MTHFD1L: variants seen among roughly 807,000 people sequenced by gnomAD.
MTHFD1L encodes the protein methylenetetrahydrofolate dehydrogenase (NADP+ dependent) 1 like.
In MTHFD1L, 81 loss-of-function variants were observed where a neutral mutation model predicts 119.5. The ratio of observed to expected loss-of-function variants is 0.68; its 90% CI spans 0.57 to 0.82. The LOEUF (loss-of-function observed/expected upper bound fraction) is 0.82. MTHFD1L is among the 40% of genes least tolerant of loss of function. The pLI is 0.00. For missense variants in MTHFD1L, 1,125 were observed against 1,253.4 expected, an observed-to-expected ratio of 0.90 and a Z score of 1.55; for synonymous variants, 430 against 475.2, an observed-to-expected ratio of 0.90 and a Z score of 1.24.
In MTHFD1L at chr6:151,007,444, T is replaced by C. The variant is rs868769696; in HGVS notation, c.2126-2375T>C. Among the ~76,000 whole-genome samples, 17 of 152,318 alleles carry C rather than the reference T, an allele frequency of 1.1e-4. No individual in the cohort carries two copies. In the Middle Eastern group the frequency reaches 0.01, roughly 91 times the overall value. The stretch of plus-strand genomic sequence containing the variant: ...TTAGCAAGTGGGAGAATTATCCTTT[T>C]GGTTACAAAGATGTGAACTATTTTT... On this transcript the variant is annotated intron_variant, in intron 20 of 27. Transcript: ENST00000367321.
intron 7 of MTHFD1L, among the ~76,000 whole-genome samples, chr6:150,901,061 T>G (rs962707725): frequency 1.3e-5 from 2 of 151,956 alleles, no homozygotes; most frequent in African/African-American, 4.8e-5. Flanking sequence ...TTTTGACATC[T>G]GAGAAAAGTG....
intron 26 of MTHFD1L, among the ~76,000 whole-genome samples, chr6:151,071,614 G>T (rs1363704393): frequency 1.3e-5 from 2 of 151,962 alleles, no homozygotes; most frequent in African/African-American, 4.8e-5. Context: ...GAAATAAGGA[G>T]CTGACTTGCC....
At chr6:151,030,363 C>G (rs1785160958) in intron 24 of MTHFD1L, among the ~76,000 whole-genome samples, 1 of 152,210 alleles carries the variant, frequency 6.6e-6, no homozygotes, top group Non-Finnish European at 1.5e-5. Context: ...TGCCTGCTTC[C>G]CAAAACCACT....
chr6:150,865,735 C>A lies in MTHFD1L; in HGVS notation c.-88C>A. 2 of 1,132,256 alleles carry A rather than the reference C, an allele frequency of 1.8e-6. No homozygotes were observed. Among genetic ancestry groups the A allele is most frequent in the Non-Finnish European group, 1.1e-6 (1 of 919,878 alleles). The allele number at this position is 1,132,256 out of a possible 1,614,324, so 70.1% of individuals were successfully genotyped here. ...GCCAGGTCCTTCCCGCCGCCGCCGC[C>A]GCCGCCGCCGCCTGCTCCCCTGGCA... On this transcript the variant is annotated 5_prime_UTR_variant, in exon 1 of 28. Transcript: ENST00000367321.
At chr6:150,898,947 C>T in intron 7 of MTHFD1L, 1 of 1,063,090 alleles carries the variant, frequency 9.4e-7, no homozygotes, top group Non-Finnish European at 1.1e-6. Flanking sequence ...AAGTGATTCT[C>T]CTGTGAAAGG....
rs776623457 is a variant in MTHFD1L, at chr6:150,944,520, T to C, written c.1475T>C (p.Ile492Thr). The change falls in exon 14 of 28, where the codon ATC becomes ACC. Residue 492 changes from isoleucine to threonine, a missense_variant. Ile to Thr is a moderately conservative substitution (Grantham distance 89, BLOSUM62 -1). Around this residue, in one of 3 missense-constraint regions of MTHFD1L, gnomAD observed 1,058 missense variants for 1,151.2 expected, o/e 0.92. Coordinates refer to ENST00000367321, the MANE Select transcript of MTHFD1L (RefSeq NM_015440.5). ...CACTTGACTGGAGACATCCACGCCATCACCGCTGCCAATAACTTGCTGGCT... is the reference window on the plus strand; with the variant it reads ...CACTTGACTGGAGACATCCACGCCACCACCGCTGCCAATAACTTGCTGGCT... ...NLHLTGDIHA[I>T]TAANNLLAAA... is the part of the protein sequence containing the mutation. 42 of 1,614,042 alleles carry C rather than the reference T, an allele frequency of 2.6e-5. No homozygotes were observed. Among genetic ancestry groups the C allele is most frequent in the Non-Finnish European group, 3.5e-5 (41 of 1,179,984 alleles).
At chr6:150,895,773 A>G (rs181466033) in intron 7 of MTHFD1L, among the ~76,000 whole-genome samples, 1 of 152,334 alleles carries the variant, frequency 6.6e-6, no homozygotes, top group Non-Finnish European at 1.5e-5. Flanking sequence ...TTAAAAAAAG[A>G]ATAATGTCTG....
At chr6:150,959,533 A>C (rs897849254) in intron 17 of MTHFD1L, among the ~76,000 whole-genome samples, 2 of 152,166 alleles carry the variant, frequency 1.3e-5, no homozygotes, top group African/African-American at 4.8e-5. Context: ...CTTTTTGCAA[A>C]AAGTCTGTGC....
At chr6:150,962,031 C>A (rs1796517735) in intron 18 of MTHFD1L, among the ~76,000 whole-genome samples, 1 of 151,740 alleles carries the variant, frequency 6.6e-6, no homozygotes, top group Non-Finnish European at 1.5e-5. Flanking sequence ...CTCTTGTTGC[C>A]CAGGCTGGAG....
intron 26 of MTHFD1L, among the ~76,000 whole-genome samples, chr6:151,046,458 A>G (rs1487529909): frequency 7.7e-6 from 1 of 129,462 alleles, no homozygotes; most frequent in Non-Finnish European, 1.6e-5. Flanking sequence ...ATATATATAT[A>G]ATATGTGTGT....
intron 8 of MTHFD1L, among the ~76,000 whole-genome samples, chr6:150,914,495 A>G (rs1346926718): frequency 6.6e-6 from 1 of 152,042 alleles, no homozygotes; most frequent in African/African-American, 2.4e-5. Flanking sequence ...CCGTCTCTAT[A>G]AAACAACTTA....
chr6:150,880,738 C>G (rs1342252783), intron 4 of MTHFD1L, among the ~76,000 whole-genome samples: 1 of 152,172 alleles, frequency 6.6e-6, no homozygotes, highest in African/African-American at 2.4e-5. Context: ...CAAGAGCTCC[C>G]CTTTCCACAT....
intron 20 of MTHFD1L, among the ~76,000 whole-genome samples, chr6:150,977,902 C>T (rs1372289756): frequency 6.4e-5 from 9 of 141,152 alleles, no homozygotes; most frequent in African/African-American, 2.3e-4. Context: ...ATATATACAC[C>T]TTTTTTTTTT....
intron 7 of MTHFD1L, among the ~76,000 whole-genome samples, chr6:150,897,565 C>T (rs930739863): frequency 2.0e-5 from 3 of 152,176 alleles, no homozygotes; most frequent in Admixed American, 6.5e-5. Context: ...GCCTCCATGA[C>T]GCTTGTGTTA....
At chr6:150,990,936 A>G (rs1279264899) in intron 20 of MTHFD1L, among the ~76,000 whole-genome samples, 1 of 151,954 alleles carries the variant, frequency 6.6e-6, no homozygotes, top group African/African-American at 2.4e-5. Flanking sequence ...GCTCACTGCA[A>G]CCTCCGCCTC....
At chr6:151,099,410 C>T in intron 27 of MTHFD1L, 1 of 719,278 alleles carries the variant, frequency 1.4e-6, no homozygotes, top group Non-Finnish European at 2.4e-6. Flanking sequence ...CAAGGGATAC[C>T]AGAGCCACTA....
At chr6:151,080,574 G>T (rs917268837) in intron 26 of MTHFD1L, among the ~76,000 whole-genome samples, 1 of 152,228 alleles carries the variant, frequency 6.6e-6, no homozygotes, top group Admixed American at 6.5e-5. Flanking sequence ...AGGTGCTAAA[G>T]CAGGAGGAAA....
chr6:150,941,555 A>G (rs566572264), intron 13 of MTHFD1L, among the ~76,000 whole-genome samples: 2 of 152,338 alleles, frequency 1.3e-5, no homozygotes. Context: ...GACTTGGCCC[A>G]GGATGGGGGC....
intron 8 of MTHFD1L, among the ~76,000 whole-genome samples, chr6:150,915,998 G>C (rs1023038295): frequency 6.6e-6 from 1 of 152,132 alleles, no homozygotes; most frequent in African/African-American, 2.4e-5. Flanking sequence ...TGGTTAAAAC[G>C]AAACACAACA....
Sources: gnomAD v4.1 joint callset for allele counts (sites outside exome capture counted in the v4.1 genomes callset) on GRCh38, gnomAD v4.1.1 for gene constraint, gnomAD v4.1.1 regional missense constraint, MANE v1.5 for transcripts, NCBI Gene and HGNC (gene_info 2026-07-23, HGNC 2026-07-21) for gene names.